The following COG6 variants were observed in gnomAD, a reference collection of about 807,000 sequenced individuals.
The protein encoded by COG6 is component of oligomeric golgi complex 6, also known as conserved oligomeric Golgi complex subunit 6.
A neutral mutation model predicts 88.8 loss-of-function variants in COG6; 74 were observed. The observed-to-expected ratio is 0.83, with a 90% CI of 0.69 to 1.01. COG6 has a LOEUF of 1.01. COG6 is among the 50% of genes least tolerant of loss of function. The probability of loss-of-function intolerance (pLI) is 0.00; values close to 1 mark genes in which losing one functional copy is unlikely to be tolerated. For synonymous variants in COG6, 286 were observed against 278.7 expected, an observed-to-expected ratio of 1.03 and a Z score of -0.26; for missense variants, 800 against 797.9, an observed-to-expected ratio of 1.00 and a Z score of -0.03.
At chr13:39,776,296 G>A (rs542645237) in intron 18 of COG6, among the ~76,000 whole-genome samples, 7 of 152,278 alleles carry the variant, frequency 4.6e-5, no homozygotes, top group Non-Finnish European at 1.0e-4. Context: ...ATGTGTGGTT[G>A]TTATTTTAAG....
intron 17 of COG6, among the ~76,000 whole-genome samples, chr13:39,724,861 A>G (rs556752340): frequency 1.5e-4 from 23 of 152,054 alleles, no homozygotes; most frequent in African/African-American, 5.5e-4. Context: ...GGAATGACAG[A>G]TATGAAGAAA....
At chr13:39,708,921 G>A (rs78370977) in intron 13 of COG6, among the ~76,000 whole-genome samples, 2 of 152,002 alleles carry the variant, frequency 1.3e-5, no homozygotes, top group Non-Finnish European at 2.9e-5. Context: ...TGCAGGTATA[G>A]CCTTTCTTAA....
chr13:39,708,494 C>T (rs916011079), intron 13 of COG6, among the ~76,000 whole-genome samples: 3 of 152,112 alleles, frequency 2.0e-5, no homozygotes, highest in Non-Finnish European at 2.9e-5. Context: ...GTATTTTTCT[C>T]TAAGAAGCTT....
intron 18 of COG6, among the ~76,000 whole-genome samples, chr13:39,758,023 C>T (rs761959875): frequency 1.3e-5 from 2 of 151,348 alleles, no homozygotes; most frequent in Non-Finnish European, 2.9e-5. Context: ...AGATCGAGAC[C>T]ATCCTGTCCA....
At chr13:39,790,622 A>T (rs1881911790) in exon 19 of COG6, 1 of 152,062 alleles carries the variant, frequency 6.6e-6, no homozygotes. Context: ...CATCTCCTGT[A>T]GTTAAAAAAT....
intron 18 of COG6, among the ~76,000 whole-genome samples, chr13:39,734,135 C>T (rs1879606931): frequency 6.6e-6 from 1 of 151,840 alleles, no homozygotes; most frequent in South Asian, 2.1e-4. Flanking sequence ...TTATTTTCTT[C>T]TACTAATTTT....
intron 10 of COG6, among the ~76,000 whole-genome samples, chr13:39,689,276 A>G (rs935968751): frequency 2.0e-5 from 3 of 152,190 alleles, no homozygotes; most frequent in Non-Finnish European, 2.9e-5. Flanking sequence ...AATACCCAGT[A>G]CAGAGTTTGA....
At chr13:39,781,558 A>T (rs931005728) in intron 18 of COG6, among the ~76,000 whole-genome samples, 2 of 151,876 alleles carry the variant, frequency 1.3e-5, no homozygotes, top group Admixed American at 1.3e-4. Flanking sequence ...GCTTGACACA[A>T]TGCAGGCTTT....
rs551634644 is a variant in COG6, at chr13:39,784,832, C to T, written c.1827-3503C>T. ...TTCAGGAGCTCCCAGAGTATGGGTG[C>T]TGAGATGAGCATGCATCCTGGGGAC... On this transcript the variant is annotated intron_variant, in intron 18 of 18. Transcript: ENST00000416691. Among the ~76,000 whole-genome samples, 12 of 152,264 alleles carry T rather than the reference C, an allele frequency of 7.9e-5. No individual in the cohort carries two copies. In the East Asian group the frequency reaches 2.3e-3, roughly 29 times the overall value.
intron 13 of COG6, among the ~76,000 whole-genome samples, chr13:39,715,372 C>G (rs1384956756): frequency 6.6e-6 from 1 of 151,754 alleles, no homozygotes; most frequent in African/African-American, 2.4e-5. Context: ...CTTAATCATA[C>G]AAGGTTTGTA....
At chr13:39,755,191 G>GA (rs952141268), downstream of COG6, among the ~76,000 whole-genome samples, 2 of 151,638 alleles carry the variant, frequency 1.3e-5, no homozygotes, top group African/African-American at 2.4e-5. Flanking sequence ...TAAAAAAAGA[G>GA]AAAAAAAAGC....
chr13:39,730,139 A>G (rs1879355034), intron 18 of COG6, among the ~76,000 whole-genome samples: 3 of 152,062 alleles, frequency 2.0e-5, no homozygotes, highest in Non-Finnish European at 4.4e-5. Flanking sequence ...TTTAAATGTG[A>G]ATTTTTAATT....
At chr13:39,748,476 A>G (rs1226574465) in intron 18 of COG6, among the ~76,000 whole-genome samples, 5 of 152,034 alleles carry the variant, frequency 3.3e-5, no homozygotes, top group Admixed American at 6.6e-5. Context: ...TTAGGCAGGC[A>G]TGGTGGTGCA....
chr13:39,736,831 T>C (rs1039763285), intron 18 of COG6, among the ~76,000 whole-genome samples: 2 of 152,184 alleles, frequency 1.3e-5, no homozygotes, highest in Admixed American at 1.3e-4. Context: ...ACTGGTGCCT[T>C]GTTTAATTTG....
rs1876658181 is a variant in COG6 at position 39,686,645 on chromosome 13, C to CA, written c.789-855dup. ...TAAAGATGGATAGCAATTTTTGGAG[C>CA]AAATTTTGGTGATAGATTGTGATAG... On this transcript the variant is annotated intron_variant, in intron 8 of 18. Transcript: ENST00000455146. Among the ~76,000 whole-genome samples the CA allele has an allele frequency of 3.3e-5, 5 of 152,186 alleles. No homozygotes were observed. In the South Asian group the frequency reaches 1.0e-3, roughly 32 times the overall value.
intron 13 of COG6, among the ~76,000 whole-genome samples, chr13:39,714,766 G>T (rs1878432939): frequency 6.6e-6 from 1 of 152,124 alleles, no homozygotes. Context: ...CCACTACTGG[G>T]TATCTACCCA....
intron 15 of COG6, among the ~76,000 whole-genome samples, chr13:39,720,668 T>C (rs761774985): frequency 1.5e-3 from 229 of 152,234 alleles, no homozygotes; most frequent in Non-Finnish European, 1.9e-3. Flanking sequence ...CCAACATCTC[T>C]TTCTCATTTC....
downstream of COG6, among the ~76,000 whole-genome samples, chr13:39,753,529 C>T (rs867259635): frequency 4.6e-5 from 7 of 152,088 alleles, no homozygotes; most frequent in Admixed American, 3.3e-4. Context: ...CAGTTAATAT[C>T]CTTCATAATT....
At chr13:39,677,714 A>G (rs12716677) in intron 5 of COG6, 135 bp downstream of exon 5, 1 of 576,258 alleles carries the variant, frequency 1.7e-6, no homozygotes, top group Admixed American at 3.2e-5. Flanking sequence ...GAAATTTAAG[A>G]TGTGTATTTT....
Sources: gnomAD v4.1 joint callset for allele counts (sites outside exome capture counted in the v4.1 genomes callset) on GRCh38, gnomAD v4.1.1 for gene constraint, MANE v1.5 for transcripts, NCBI Gene and HGNC (gene_info 2026-07-23, HGNC 2026-07-21) for gene names.